The following RNASE4 variants were observed in gnomAD, a reference collection of about 807,000 sequenced individuals.
RNASE4 encodes the protein ribonuclease 4.
For missense variants in RNASE4, 194 were observed against 192.8 expected, an observed-to-expected ratio of 1.01 and a Z score of -0.04; for synonymous variants, 93 against 71.4, an observed-to-expected ratio of 1.30 and a Z score of -1.52.
intron 1 of RNASE4, among the ~76,000 whole-genome samples, chr14:20,691,730 T>C (rs1255301386): frequency 2.0e-5 from 3 of 152,246 alleles, no homozygotes; most frequent in Non-Finnish European, 4.4e-5. Flanking sequence ...CATTCCACAA[T>C]AATGGAGTAA....
Position 20,699,831 on chromosome 14 carries a change from G to A in RNASE4, c.*16G>A. The A allele has an allele frequency of 2.5e-6, 4 of 1,608,128 alleles. No individual in the cohort carries two copies. The highest frequency in any genetic ancestry group is 3.4e-6 in the Non-Finnish European group (4 of 1,176,320). On this transcript the variant is annotated 3_prime_UTR_variant, in exon 2 of 2. Transcript: ENST00000555835. ...TGACGGTTAGATGCCACCATGTAGG[G>A]ATTATCGCGAGTGGTTGACCTTACA...
At chr14:20,692,479 G>T (rs1886811445) in intron 1 of RNASE4, among the ~76,000 whole-genome samples, 1 of 152,216 alleles carries the variant, frequency 6.6e-6, no homozygotes, top group Non-Finnish European at 1.5e-5. Context: ...CCGGTCTGTG[G>T]CCTGTCCGCC....
Position 20,699,548 on chromosome 14 carries a change from A to G in RNASE4, c.177A>G (p.Arg59=), listed in dbSNP as rs1284539792. The G allele has an allele frequency of 6.2e-7, 1 of 1,614,204 alleles. No homozygotes were observed. The highest frequency in any genetic ancestry group is 1.6e-4 in the Middle Eastern group (1 of 6,062). ...GCTACTGCAACTTGATGATGCAAAG[A>G]CGGAAGATGACTTTGTATCACTGCA... ...SDRYCNLMMQ[R]RKMTLYHCKR... Residue 59 remains arginine, a synonymous_variant, in exon 2 of 2, where the codon AGA becomes AGG. Coordinates refer to ENST00000555835, the MANE Select transcript of RNASE4 (RefSeq NM_002937.5).
chr14:20,686,948 C>G, intron 1 of RNASE4, among the ~76,000 whole-genome samples: 1 of 152,234 alleles, frequency 6.6e-6, no homozygotes, highest in African/African-American at 2.4e-5. Flanking sequence ...AAACAGGACC[C>G]GTGCATCCCG....
chr14:20,690,413 C>G (rs17242776), intron 1 of RNASE4, among the ~76,000 whole-genome samples: 7,021 of 152,132 alleles, frequency 0.046, 257 homozygotes, highest in East Asian at 0.15. Flanking sequence ...TTTTACACCA[C>G]AAACGATCTG....
At chr14:20,689,290 C>T (rs1004206026) in intron 1 of RNASE4, among the ~76,000 whole-genome samples, 5 of 152,188 alleles carry the variant, frequency 3.3e-5, no homozygotes, top group Admixed American at 2.0e-4. Context: ...GTTTTGGATG[C>T]TCTTTCAAAC....
rs1220221128 is a variant in RNASE4 at position 20,699,494 on chromosome 14, G to A, written c.123G>A (p.Val41=). The A allele has an allele frequency of 1.2e-6, 2 of 1,614,094 alleles. No individual in the cohort carries two copies. The highest frequency in any genetic ancestry group is 4.5e-5 in the East Asian group (2 of 44,888). Reference sequence around the variant, plus strand: ...ACCAGCGATTCCTGCGGCAACACGTGCACCCTGAGGAGACAGGTGGCAGTG... The same window carrying A: ...ACCAGCGATTCCTGCGGCAACACGTACACCCTGAGGAGACAGGTGGCAGTG... The part of the protein sequence containing the change: ...GMYQRFLRQH[V]HPEETGGSDR... The change falls in exon 2 of 2, where the codon GTG becomes GTA. Residue 41 remains valine, a synonymous_variant. Transcript: ENST00000555835.
At chr14:20,698,849 C>T (rs1887180593) in intron 1 of RNASE4, 1 of 152,334 alleles carries the variant, frequency 6.6e-6, no homozygotes, top group Non-Finnish European at 1.5e-5. Context: ...ATTCCTCTGT[C>T]CTCTTCCTCC....
At position 20,701,113 on chromosome 14, in the gene RNASE4, C is replaced by G. The variant is rs989256096; in HGVS notation, c.*1298C>G. On this transcript the variant is annotated 3_prime_UTR_variant, in exon 2 of 2. Transcript: ENST00000555835. Reference sequence around the variant, plus strand: ...TGACCGTAATTTCCCACTACCAACCCAAATCCTATAAAACTGCCCCACCCC... The same window carrying G: ...TGACCGTAATTTCCCACTACCAACCGAAATCCTATAAAACTGCCCCACCCC... 4 of 152,212 alleles carry G rather than the reference C, an allele frequency of 2.6e-5. No individual in the cohort carries two copies. The highest frequency in any genetic ancestry group is 4.8e-5 in the African/African-American group (2 of 41,436). 9.4% of individuals were successfully genotyped at this position (152,212 alleles called of 1,614,324 possible). A position where few individuals can be genotyped will look rare whatever the true frequency, so the allele number is the denominator to read the frequency against.
chr14:20,686,039 TAAAAA>T (rs11378368), intron 1 of RNASE4, among the ~76,000 whole-genome samples: 13 of 137,966 alleles, frequency 9.4e-5, no homozygotes, highest in East Asian at 4.2e-4. Context: ...GACTCCGTCT[TAAAAA>T]AAAAAAAAAA....
At chr14:20,693,857 C>T (rs1320300844) in intron 1 of RNASE4, 1 of 1,614,194 alleles carries the variant, frequency 6.2e-7, no homozygotes, top group East Asian at 2.2e-5. Context: ...ATAAGCAAGT[C>T]TTCTTTCCAG....
chr14:20,691,628 G>A (rs1471503866), intron 1 of RNASE4, among the ~76,000 whole-genome samples: 1 of 152,202 alleles, frequency 6.6e-6, no homozygotes, highest in Non-Finnish European at 1.5e-5. Context: ...GACTTTTAGA[G>A]ATAGCAACTC....
At chr14:20,690,221 C>CAAAAAAAAAAAAAAAAAAA (rs36091065) in intron 1 of RNASE4, among the ~76,000 whole-genome samples, 4 of 67,978 alleles carry the variant, frequency 5.9e-5, no homozygotes, top group Non-Finnish European at 9.9e-5. Flanking sequence ...GACTCCGTCT[C>CAAAAAAAAAAAAAAAAAAA]AAAAAAAAAA....
chr14:20,693,737 G>A, intron 1 of RNASE4: 1 of 1,614,202 alleles, frequency 6.2e-7, no homozygotes, highest in Non-Finnish European at 8.5e-7. Context: ...AGGAGACGGG[G>A]CCTGACCTCA....
chr14:20,687,682 C>G (rs773188587), intron 1 of RNASE4, among the ~76,000 whole-genome samples: 2 of 152,214 alleles, frequency 1.3e-5, no homozygotes, highest in African/African-American at 2.4e-5. Flanking sequence ...ATGCCTACCT[C>G]ACACAGTCCT....
At chr14:20,686,493 G>A (rs1886433423) in intron 1 of RNASE4, among the ~76,000 whole-genome samples, 1 of 152,208 alleles carries the variant, frequency 6.6e-6, no homozygotes, top group African/African-American at 2.4e-5. Flanking sequence ...TATTGAATCT[G>A]TATTTAAGCA....
Position 20,693,090 on chromosome 14 carries a change from G to T in RNASE4, c.-17-6265G>T, listed in dbSNP as rs371879733. On this transcript the variant is annotated intron_variant, in intron 1 of 1. Coordinates refer to ENST00000555835, the MANE Select transcript of RNASE4 (RefSeq NM_002937.5). ...TCTCGATCTCCTGACCTCGTGATCCGCCCGCCTTGGCCTCCCAAAGTGCTG... is the reference window on the plus strand; with the variant it reads ...TCTCGATCTCCTGACCTCGTGATCCTCCCGCCTTGGCCTCCCAAAGTGCTG... Among the ~76,000 whole-genome samples the T allele has an allele frequency of 3.1e-4, 47 of 151,864 alleles. No homozygotes were observed. The East Asian group carries it at 8.5e-3, about 28-fold the overall frequency.
intron 1 of RNASE4, among the ~76,000 whole-genome samples, chr14:20,686,719 G>A (rs1220542104): frequency 2.6e-5 from 4 of 152,188 alleles, no homozygotes; most frequent in Admixed American, 2.6e-4. Context: ...TCCTGGAGAC[G>A]TGGTTCTTCT....
chr14:20,697,274 G>A (rs1303824126), intron 1 of RNASE4, among the ~76,000 whole-genome samples: 2 of 152,164 alleles, frequency 1.3e-5, no homozygotes, highest in Non-Finnish European at 2.9e-5. Context: ...GGAAACTCGA[G>A]GTGCCACCGG....
Sources: allele counts gnomAD v4.1 joint callset (sites outside exome capture counted in the v4.1 genomes callset), GRCh38; gene constraint gnomAD v4.1.1; transcripts MANE v1.5; gene names NCBI Gene and HGNC (gene_info 2026-07-23, HGNC 2026-07-21).